Variants in NAV3 observed in about 807,000 individuals in gnomAD.
The protein encoded by NAV3 is neuron navigator 3.
In NAV3, 87 loss-of-function variants were observed where a neutral mutation model predicts 244.7. That is an observed-to-expected ratio of 0.36 (90% confidence interval 0.30 to 0.42). NAV3 has a LOEUF of 0.42. Ranked by LOEUF, NAV3 falls within the 20% of genes least tolerant of loss-of-function variation. The pLI, the probability that NAV3 is intolerant of heterozygous loss-of-function variation, is 1.00. For missense variants in NAV3, 2,663 were observed against 2,893.3 expected (o/e 0.92, Z 1.83); for synonymous variants, 1,126 against 1,042.2 (o/e 1.08, Z -1.55).
chr12:77,978,845 A>G (rs1868990028), intron 5 of NAV3, among the ~76,000 whole-genome samples: 1 of 151,958 alleles, frequency 6.6e-6, no homozygotes, highest in Non-Finnish European at 1.5e-5. Flanking sequence ...CTAATAAGAT[A>G]TAAAACAAAA....
intron 1 of NAV3, among the ~76,000 whole-genome samples, chr12:77,936,840 C>T (rs1399526919): frequency 6.6e-6 from 1 of 152,132 alleles, no homozygotes; most frequent in African/African-American, 2.4e-5. Context: ...GTTTTAAATA[C>T]ATTTTTATAC....
intron 12 of NAV3, among the ~76,000 whole-genome samples, chr12:78,088,165 G>A (rs1306744799): frequency 2.0e-5 from 3 of 151,396 alleles, no homozygotes; most frequent in African/African-American, 7.3e-5. Flanking sequence ...ATTTTTGTGA[G>A]CAAGACTTTA....
At chr12:77,642,612 G>A (rs1395631856) in intron 2 of NAV3, among the ~76,000 whole-genome samples, 1 of 152,058 alleles carries the variant, frequency 6.6e-6, no homozygotes, top group Non-Finnish European at 1.5e-5. Context: ...ATTACAAATA[G>A]ATTGAATTAC....
chr12:77,673,873 G>T (rs529927994), intron 2 of NAV3, among the ~76,000 whole-genome samples: 5 of 152,152 alleles, frequency 3.3e-5, no homozygotes, highest in African/African-American at 1.2e-4. Context: ...AGTGGTAATT[G>T]ATATTTAGAT....
At chr12:78,181,152 A>G in intron 30 of NAV3, 107 bp downstream of exon 30, 1 of 950,820 alleles carries the variant, frequency 1.1e-6, no homozygotes, top group East Asian at 2.5e-5. Context: ...GTTACACTCT[A>G]ATTCTCAGAA....
chr12:78,116,624 T>A, intron 12 of NAV3, 148 bp from the exon 13 acceptor site: 1 of 859,380 alleles, frequency 1.2e-6, no homozygotes, highest in Non-Finnish European at 1.7e-6. Flanking sequence ...AAATATGATT[T>A]TCCCAAAATG....
chr12:77,682,143 C>A (rs1249398014), intron 2 of NAV3, among the ~76,000 whole-genome samples: 2 of 152,110 alleles, frequency 1.3e-5, no homozygotes, highest in African/African-American at 4.8e-5. Context: ...TGCCACCCCC[C>A]ACCTCGCCCC....
At position 78,170,353 on chromosome 12, in the gene NAV3, A is replaced by G. The variant is rs142077441; in HGVS notation, c.4981+1487A>G. On this transcript the variant is annotated intron_variant, in intron 24 of 39. Transcript: ENST00000397909. Reference sequence around the variant, plus strand: ...TAAATTACCAAGATCCGTTGATCCCATTCCTTAAATATCTCTTGGATCTGT... The same window carrying G: ...TAAATTACCAAGATCCGTTGATCCCGTTCCTTAAATATCTCTTGGATCTGT... Among the ~76,000 whole-genome samples the G allele has an allele frequency of 1.5e-4, 23 of 151,810 alleles. No individual in the cohort carries two copies. The East Asian group carries it at 4.5e-3, about 30-fold the overall frequency.
At chr12:77,979,265 G>A (rs1344775489) in intron 5 of NAV3, among the ~76,000 whole-genome samples, 2 of 150,466 alleles carry the variant, frequency 1.3e-5, no homozygotes, top group African/African-American at 4.9e-5. Context: ...GGTGGTGTGT[G>A]CCTGCTGTCC....
rs2137353833 is a variant in NAV3 at position 77,733,412 on chromosome 12, G to A, written c.72+161146G>A. On this transcript the variant is annotated intron_variant, in intron 2 of 8. Coordinates refer to the NAV3 transcript ENST00000550042. ...TTGTGTGATCTGGAGAAATAAAAAT[G>A]TGCACTAGGTACTTGGTTCAAAGCC... Among the ~76,000 whole-genome samples the A allele has an allele frequency of 1.3e-5, 2 of 152,064 alleles. 1 individual carries two copies. The highest frequency in any genetic ancestry group is 4.2e-4 in the South Asian group (2 of 4,818).
At chr12:77,794,605 C>T (rs1042194979) in intron 2 of NAV3, among the ~76,000 whole-genome samples, 6 of 152,186 alleles carry the variant, frequency 3.9e-5, no homozygotes, top group African/African-American at 7.2e-5. Flanking sequence ...GCTTCACAAA[C>T]GTTGCATTTT....
At chr12:78,182,424 A>G (rs1958536337) in intron 30 of NAV3, among the ~76,000 whole-genome samples, 2 of 152,032 alleles carry the variant, frequency 1.3e-5, no homozygotes, top group South Asian at 4.1e-4. Flanking sequence ...GACAAAGGCC[A>G]GTACCTTATA....
At chr12:78,169,375 A>C (rs1195604282) in intron 24 of NAV3, among the ~76,000 whole-genome samples, 3 of 151,796 alleles carry the variant, frequency 2.0e-5, no homozygotes, top group Non-Finnish European at 1.5e-5. Context: ...ACAACGGGTG[A>C]AAGGTAGCTC....
At chr12:77,854,775 A>G (rs1878116982) in intron 1 of NAV3, among the ~76,000 whole-genome samples, 1 of 152,184 alleles carries the variant, frequency 6.6e-6, no homozygotes. Flanking sequence ...AAATGAGATC[A>G]TATACCGTCT....
intron 12 of NAV3, among the ~76,000 whole-genome samples, chr12:78,094,029 G>A (rs1954103722): frequency 6.6e-6 from 1 of 152,074 alleles, no homozygotes; most frequent in South Asian, 2.1e-4. Flanking sequence ...TTTTAGAGAT[G>A]AAGTCTCGCC....
intron 2 of NAV3, among the ~76,000 whole-genome samples, chr12:77,767,410 C>T (rs1383763052): frequency 6.6e-6 from 1 of 152,204 alleles, no homozygotes; most frequent in African/African-American, 2.4e-5. Context: ...GCTTATTCTA[C>T]CCACTTGGCC....
At chr12:78,062,147 G>A (rs1013652276) in intron 12 of NAV3, among the ~76,000 whole-genome samples, 2 of 152,050 alleles carry the variant, frequency 1.3e-5, no homozygotes, top group Non-Finnish European at 2.9e-5. Context: ...CATAGAACAC[G>A]AAACAGTTAA....
rs74425232 is a variant in NAV3 at position 77,692,050 on chromosome 12, A to G, written c.72+119784A>G. 5.0e-3 allele frequency among the ~76,000 whole-genome samples: 759 copies of G among 152,132 alleles called. 6 individuals are homozygous for G. The highest frequency in any genetic ancestry group is 0.018 in the African/African-American group (733 of 41,556). ...CCGTGGATGCCAGATGATACCCTGT[A>G]TTTGTATAAAGGTTTCTCTAGTGAT... On this transcript the variant is annotated intron_variant, in intron 2 of 8. Coordinates refer to the NAV3 transcript ENST00000550042.
At chr12:78,109,992 G>A (rs950165846) in intron 12 of NAV3, among the ~76,000 whole-genome samples, 11 of 152,052 alleles carry the variant, frequency 7.2e-5, no homozygotes, top group African/African-American at 2.4e-4. Context: ...ATTGGGAAGA[G>A]CAAGTAACAT....
Sources: allele counts gnomAD v4.1 joint callset (sites outside exome capture counted in the v4.1 genomes callset), GRCh38; gene constraint gnomAD v4.1.1; transcripts MANE v1.5; gene names NCBI Gene and HGNC (gene_info 2026-07-23, HGNC 2026-07-21).